The following FBXL17 variants were observed in gnomAD, a reference collection of about 807,000 sequenced individuals.
FBXL17 encodes the protein F-box and leucine rich repeat protein 17.
FBXL17 carries 22 observed loss-of-function variants against 66.2 expected under a neutral mutation model. The ratio of observed to expected loss-of-function variants is 0.33; its 90% confidence interval spans 0.24 to 0.47. The LOEUF is 0.47. Ranked by LOEUF, FBXL17 falls within the 20% of genes least tolerant of loss-of-function variation. The probability of loss-of-function intolerance (pLI) is 1.00; values close to 1 mark genes in which losing one functional copy is unlikely to be tolerated. For missense variants in FBXL17, 878 were observed against 948.2 expected, an observed-to-expected ratio of 0.93 and a Z score of 0.97; for synonymous variants, 474 against 400.5, an observed-to-expected ratio of 1.18 and a Z score of -2.19.
chr5:108,232,089 T>C (rs1011766447), intron 4 of FBXL17, among the ~76,000 whole-genome samples: 1 of 152,216 alleles, frequency 6.6e-6, no homozygotes, highest in African/African-American at 2.4e-5. Context: ...AAACAAGGAC[T>C]GTAACTGTTA....
chr5:108,338,999 AG>A (rs1463217115), intron 4 of FBXL17, among the ~76,000 whole-genome samples: 2 of 152,214 alleles, frequency 1.3e-5, no homozygotes, highest in Admixed American at 6.5e-5. Flanking sequence ...CAAGTGCCAT[AG>A]GACATTTACA....
chr5:108,213,930 T>A (rs1754486098), intron 5 of FBXL17, among the ~76,000 whole-genome samples: 1 of 152,184 alleles, frequency 6.6e-6, no homozygotes, highest in South Asian at 2.1e-4. Context: ...GATATACAGT[T>A]TTCAATTATT....
chr5:108,170,404 T>C (rs1168719774), intron 6 of FBXL17, among the ~76,000 whole-genome samples: 1 of 152,222 alleles, frequency 6.6e-6, no homozygotes, highest in African/African-American at 2.4e-5. Context: ...AGTTTATGGA[T>C]GTACTGTCAC....
intron 5 of FBXL17, among the ~76,000 whole-genome samples, chr5:108,216,010 G>C (rs1311232230): frequency 1.3e-5 from 2 of 152,178 alleles, no homozygotes; most frequent in East Asian, 1.9e-4. Context: ...ACATAGATGT[G>C]TGAGTTTATT....
intron 6 of FBXL17, among the ~76,000 whole-genome samples, chr5:108,100,157 AT>A (rs1201811371): frequency 6.6e-6 from 1 of 152,142 alleles, no homozygotes. Flanking sequence ...AAAATAGATT[AT>A]TTACAATTGT....
chr5:108,331,644 A>G lies in FBXL17; in HGVS notation c.1506+16755T>C, dbSNP rs1370787709. ...TACAATGGCTGAACTTATTAATGAC[A>G]CTACACATTGATAAGTAAAACATAA... On this transcript the variant is annotated intron_variant, in intron 4 of 8. Transcript: ENST00000542267. 2.6e-5 allele frequency among the ~76,000 whole-genome samples: 4 copies of G among 152,258 alleles called. No homozygotes were observed. In the East Asian group the frequency reaches 7.7e-4, roughly 29 times the overall value.
chr5:107,978,212 C>A (rs1417760165), intron 7 of FBXL17, among the ~76,000 whole-genome samples: 2 of 151,530 alleles, frequency 1.3e-5, no homozygotes, highest in East Asian at 3.9e-4. Flanking sequence ...TGCTTCTAGC[C>A]ACACACGCTG....
At chr5:108,057,209 G>C (rs1747743103) in intron 6 of FBXL17, among the ~76,000 whole-genome samples, 1 of 152,090 alleles carries the variant, frequency 6.6e-6, no homozygotes, top group Non-Finnish European at 1.5e-5. Flanking sequence ...ACAAAAAAAT[G>C]CCTTAAATTT....
intron 3 of FBXL17, among the ~76,000 whole-genome samples, chr5:108,357,073 C>G (rs1191650329): frequency 2.6e-5 from 4 of 151,904 alleles, no homozygotes; most frequent in Admixed American, 1.3e-4. Context: ...GTGATCTGAA[C>G]AGTGAATAAA....
chr5:108,078,246 T>C (rs910296998), intron 6 of FBXL17, among the ~76,000 whole-genome samples: 1 of 152,176 alleles, frequency 6.6e-6, no homozygotes, highest in African/African-American at 2.4e-5. Context: ...CAAGAAGATA[T>C]GAGATGATAT....
At chr5:107,989,225 A>G (rs980089263) in intron 7 of FBXL17, among the ~76,000 whole-genome samples, 5 of 152,040 alleles carry the variant, frequency 3.3e-5, no homozygotes, top group Admixed American at 6.6e-5. Context: ...CTATCAAACA[A>G]TACCACGTAT....
At chr5:107,907,126 C>T (rs1304188472) in intron 7 of FBXL17, among the ~76,000 whole-genome samples, 1 of 152,150 alleles carries the variant, frequency 6.6e-6, no homozygotes, top group African/African-American at 2.4e-5. Flanking sequence ...CACCTTCCTA[C>T]CCTGTTGTCC....
intron 4 of FBXL17, among the ~76,000 whole-genome samples, chr5:108,285,459 A>G (rs1007783147): frequency 6.6e-6 from 1 of 151,874 alleles, no homozygotes; most frequent in Middle Eastern, 3.2e-3. Context: ...ATAAGAGTTG[A>G]AAGTCTAAAT....
intron 7 of FBXL17, among the ~76,000 whole-genome samples, chr5:107,931,138 C>T (rs1750721131): frequency 6.6e-6 from 1 of 152,138 alleles, no homozygotes; most frequent in Non-Finnish European, 1.5e-5. Flanking sequence ...CACATCTGAA[C>T]TGACCAGTTT....
chr5:108,083,208 C>T (rs566907675), intron 6 of FBXL17, among the ~76,000 whole-genome samples: 8 of 145,888 alleles, frequency 5.5e-5, no homozygotes, highest in African/African-American at 1.8e-4. Flanking sequence ...CTCCCTCACC[C>T]TCACCTCAGA....
intron 4 of FBXL17, among the ~76,000 whole-genome samples, chr5:108,281,053 A>C (rs942425019): frequency 1.6e-4 from 25 of 152,052 alleles, no homozygotes; most frequent in Non-Finnish European, 3.4e-4. Context: ...AGAGAGAGAC[A>C]GATAGCAATA....
At chr5:108,038,100 A>C (rs969415366) in intron 6 of FBXL17, among the ~76,000 whole-genome samples, 2 of 152,218 alleles carry the variant, frequency 1.3e-5, no homozygotes, top group African/African-American at 4.8e-5. Flanking sequence ...ATGCAAAAAT[A>C]GGGAACGGGA....
At chr5:108,380,069 C>T (rs181298415) in intron 1 of FBXL17, among the ~76,000 whole-genome samples, 20 of 152,336 alleles carry the variant, frequency 1.3e-4, no homozygotes, top group African/African-American at 4.8e-4. Context: ...CTTCAAGCCC[C>T]ACTAGACTGT....
At chr5:108,200,801 T>G (rs948565352) in intron 5 of FBXL17, among the ~76,000 whole-genome samples, 1 of 152,210 alleles carries the variant, frequency 6.6e-6, no homozygotes, top group African/African-American at 2.4e-5. Flanking sequence ...GTAAATACAC[T>G]GTGATCAACA....
Sources: allele counts gnomAD v4.1 joint callset (sites outside exome capture counted in the v4.1 genomes callset), GRCh38; gene constraint gnomAD v4.1.1; transcripts MANE v1.5; gene names NCBI Gene and HGNC (gene_info 2026-07-23, HGNC 2026-07-21).